The following NEK7 variants were observed in gnomAD, a reference collection of about 807,000 sequenced individuals.
NEK7 encodes the protein serine/threonine-protein kinase Nek7.
NEK7 carries 18 observed loss-of-function variants against 44.6 expected under a neutral mutation model. The ratio of observed to expected loss-of-function variants is 0.40; its 90% confidence interval spans 0.28 to 0.60. The LOEUF is 0.60. Among genes scored for constraint, NEK7 ranks in the 20% least tolerant of loss-of-function variants. The pLI is 0.38. For missense variants in NEK7, 256 were observed against 366.5 expected (o/e 0.70, Z 2.46); for synonymous variants, 130 against 121.1 (o/e 1.07, Z -0.48).
intron 7 of NEK7, among the ~76,000 whole-genome samples, chr1:198,288,981 TCTC>T (rs1349524842): frequency 1.3e-5 from 2 of 152,130 alleles, no homozygotes; most frequent in Admixed American, 6.6e-5. Flanking sequence ...GAAATATTGA[TCTC>T]CTACTCAGCC....
intron 5 of NEK7, among the ~76,000 whole-genome samples, chr1:198,276,474 T>C (rs1055965502): frequency 6.6e-6 from 1 of 151,706 alleles, no homozygotes; most frequent in Admixed American, 6.6e-5. Context: ...AAGAAAATTA[T>C]GTGTAAAGAA....
intron 5 of NEK7, among the ~76,000 whole-genome samples, chr1:198,270,081 T>C (rs1015856511): frequency 6.6e-6 from 1 of 152,016 alleles, no homozygotes; most frequent in East Asian, 1.9e-4. Context: ...AGAAACATAT[T>C]TGGTGATGAA....
chr1:198,232,670 T>C (rs770061049), intron 2 of NEK7, 33 bp downstream of exon 2: 94 of 1,284,866 alleles, frequency 7.3e-5, no homozygotes, highest in South Asian at 7.1e-4. Context: ...GGCAGAACTA[T>C]ATATAATCTG....
chr1:198,157,396 C>A (rs915616357), intron 1 of NEK7, 120 bp downstream of exon 1: 2 of 152,280 alleles, frequency 1.3e-5, no homozygotes, highest in African/African-American at 2.4e-5. Flanking sequence ...TCCGGGATAC[C>A]CTCGCTCGGG....
intron 2 of NEK7, among the ~76,000 whole-genome samples, chr1:198,248,246 C>T (rs1326851316): frequency 6.6e-6 from 1 of 152,060 alleles, no homozygotes; most frequent in Non-Finnish European, 1.5e-5. Flanking sequence ...AAAATGAATG[C>T]CATCAGGAAT....
chr1:198,241,886 A>G (rs1175051107), intron 2 of NEK7, among the ~76,000 whole-genome samples: 1 of 152,200 alleles, frequency 6.6e-6, no homozygotes, highest in Non-Finnish European at 1.5e-5. Context: ...TGCAATGACA[A>G]CAAGCTGCCA....
Position 198,264,240 on chromosome 1 carries a change from G to C in NEK7, c.372+5G>C. 6.3e-7 allele frequency: 1 copy of C among 1,577,186 alleles called. No homozygotes were observed. Among genetic ancestry groups the C allele is most frequent in the South Asian group, 1.2e-5 (1 of 84,056 alleles). On this transcript the variant is annotated splice_donor_5th_base_variant and intron_variant, in intron 5 of 9. Coordinates refer to ENST00000367385, the MANE Select transcript of NEK7 (RefSeq NM_133494.3). ...GACCTATCCAGAATGATCAAGGTAA[G>C]TTTTGAAAAAATTGTCTTAATGTTT...
intron 9 of NEK7, among the ~76,000 whole-genome samples, chr1:198,310,929 T>A (rs1655163387): frequency 6.7e-6 from 1 of 149,474 alleles, no homozygotes; most frequent in Middle Eastern, 3.2e-3. Flanking sequence ...GGGCTCTTTT[T>A]TGGTTCCATA....
chr1:198,267,256 A>G (rs970199007), intron 5 of NEK7, among the ~76,000 whole-genome samples: 2 of 151,502 alleles, frequency 1.3e-5, no homozygotes, highest in African/African-American at 4.8e-5. Flanking sequence ...ATGTATATAC[A>G]TGCACACACA....
chr1:198,271,922 T>TACACAC (rs1404803764), intron 5 of NEK7, among the ~76,000 whole-genome samples: 2 of 145,030 alleles, frequency 1.4e-5, no homozygotes, highest in Non-Finnish European at 3.0e-5. Flanking sequence ...TATATATATA[T>TACACAC]ATACACACAC....
intron 9 of NEK7, among the ~76,000 whole-genome samples, chr1:198,312,519 A>C (rs1245544667): frequency 2.0e-5 from 3 of 151,670 alleles, no homozygotes; most frequent in Admixed American, 2.0e-4. Context: ...TAGTTCTTTT[A>C]ATTGTGATGT....
chr1:198,227,617 T>C (rs1361653582), intron 1 of NEK7, among the ~76,000 whole-genome samples: 17 of 152,222 alleles, frequency 1.1e-4, no homozygotes, highest in Admixed American at 2.6e-4. Context: ...CTGTGATGGC[T>C]AGTGATGATG....
chr1:198,196,602 G>C (rs1182771408), intron 1 of NEK7, among the ~76,000 whole-genome samples: 1 of 152,196 alleles, frequency 6.6e-6, no homozygotes, highest in Non-Finnish European at 1.5e-5. Flanking sequence ...AGCGATGCCA[G>C]GGCTGGAATC....
chr1:198,289,846 A>G (rs1485404254), intron 7 of NEK7, among the ~76,000 whole-genome samples: 2 of 152,180 alleles, frequency 1.3e-5, no homozygotes, highest in Admixed American at 1.3e-4. Context: ...TTTATTCAGG[A>G]TAAAGATTAG....
chr1:198,167,322 C>T (rs1458452929), intron 1 of NEK7, among the ~76,000 whole-genome samples: 1 of 152,094 alleles, frequency 6.6e-6, no homozygotes, highest in African/African-American at 2.4e-5. Context: ...TATTCAGATT[C>T]TTTACTTAGA....
intron 5 of NEK7, among the ~76,000 whole-genome samples, chr1:198,268,725 G>A (rs1235470036): frequency 6.6e-6 from 1 of 152,098 alleles, no homozygotes; most frequent in Non-Finnish European, 1.5e-5. Context: ...CAGAAGATAC[G>A]CTCCCTCAGA....
intron 2 of NEK7, among the ~76,000 whole-genome samples, chr1:198,235,720 T>A (rs1030613413): frequency 2.6e-5 from 4 of 152,192 alleles, no homozygotes; most frequent in Non-Finnish European, 4.4e-5. Context: ...AAACCAATTA[T>A]AATCAGAGTA....
At chr1:198,234,790 C>A (rs1447665068) in intron 2 of NEK7, among the ~76,000 whole-genome samples, 1 of 152,192 alleles carries the variant, frequency 6.6e-6, no homozygotes, top group African/African-American at 2.4e-5. Context: ...AGGCAAGTGT[C>A]GTCCCAGGTT....
At chr1:198,255,350 T>G (rs1558081356) in intron 3 of NEK7, among the ~76,000 whole-genome samples, 1 of 151,898 alleles carries the variant, frequency 6.6e-6, no homozygotes, top group Non-Finnish European at 1.5e-5. Context: ...AGATGGGAGG[T>G]TGGATGGATT....
Sources: gnomAD v4.1 joint callset for allele counts (sites outside exome capture counted in the v4.1 genomes callset) on GRCh38, gnomAD v4.1.1 for gene constraint, MANE v1.5 for transcripts, NCBI Gene and HGNC (gene_info 2026-07-23, HGNC 2026-07-21) for gene names.